The following RAB38 variants were observed in gnomAD, a reference collection of about 807,000 sequenced individuals.
RAB38 encodes ras-related protein Rab-38.
RAB38 carries 15 observed loss-of-function variants against 18.4 expected under a neutral mutation model. The observed-to-expected ratio is 0.82, with a 90% confidence interval of 0.55 to 1.26. The LOEUF (loss-of-function observed/expected upper bound fraction) is 1.26, where lower values mean the gene tolerates loss of function less well. Ranked by LOEUF, RAB38 falls within the 50% of genes most tolerant of loss-of-function variation. The pLI, the probability that RAB38 is intolerant of heterozygous loss-of-function variation, is 0.00. For synonymous variants in RAB38, 101 were observed against 104.4 expected, an observed-to-expected ratio of 0.97 and a Z score of 0.20; for missense variants, 294 against 267.4, an observed-to-expected ratio of 1.10 and a Z score of -0.69.
chr11:87,804,551 C>G, the RAB38 span, among the ~76,000 whole-genome samples: 1 of 152,140 alleles, frequency 6.6e-6, no homozygotes, highest in Non-Finnish European at 1.5e-5. Context: ...TTAGGCCCAT[C>G]TGCCTAGGTA....
At chr11:88,144,312 G>A (rs1942953129) in intron 2 of RAB38, among the ~76,000 whole-genome samples, 1 of 152,188 alleles carries the variant, frequency 6.6e-6, no homozygotes, top group Non-Finnish European at 1.5e-5. Context: ...TAAATTATTT[G>A]GAGATGGATG....
chr11:88,125,742 G>T (rs1942687495), intron 2 of RAB38, among the ~76,000 whole-genome samples: 1 of 152,102 alleles, frequency 6.6e-6, no homozygotes, highest in South Asian at 2.1e-4. Flanking sequence ...TGTCAATTTT[G>T]GCTTTTGTTG....
At chr11:88,140,309 A>G (rs919271162) in intron 2 of RAB38, among the ~76,000 whole-genome samples, 28 of 152,244 alleles carry the variant, frequency 1.8e-4, no homozygotes, top group African/African-American at 6.5e-4. Flanking sequence ...CCTGGGAACT[A>G]CAGCAATAAA....
the RAB38 span, among the ~76,000 whole-genome samples, chr11:87,976,965 C>T: frequency 3.7e-3 from 98 of 26,274 alleles, 38 homozygotes; most frequent in Non-Finnish European, 4.5e-3. Flanking sequence ...TTACATTATA[C>T]AAGTATATTA....
the RAB38 span, among the ~76,000 whole-genome samples, chr11:87,859,828 T>A: frequency 6.6e-6 from 1 of 152,104 alleles, no homozygotes; most frequent in South Asian, 2.1e-4. Flanking sequence ...GGTTCATTCA[T>A]GGTAGTGGCA....
the RAB38 span, among the ~76,000 whole-genome samples, chr11:88,008,318 C>G: frequency 6.6e-6 from 1 of 151,808 alleles, no homozygotes; most frequent in Non-Finnish European, 1.5e-5. Flanking sequence ...GACCAAAAAT[C>G]GAGACAATAA....
At chr11:88,141,086 C>T (rs1161018511) in intron 2 of RAB38, among the ~76,000 whole-genome samples, 2 of 152,114 alleles carry the variant, frequency 1.3e-5, no homozygotes, top group African/African-American at 4.8e-5. Context: ...TGTTTTCTTC[C>T]TCCCACAGAC....
At chr11:87,974,602 G>A in the RAB38 span, among the ~76,000 whole-genome samples, 12 of 151,508 alleles carry the variant, frequency 7.9e-5, no homozygotes, top group Non-Finnish European at 8.8e-5. Flanking sequence ...CTCAAATATA[G>A]CAAAAATTGT....
At chr11:87,927,783 T>C in the RAB38 span, among the ~76,000 whole-genome samples, 4 of 151,996 alleles carry the variant, frequency 2.6e-5, no homozygotes, top group African/African-American at 9.7e-5. Context: ...ACAAAGGCTA[T>C]TGGCGGAGCA....
intron 1 of RAB38, among the ~76,000 whole-genome samples, chr11:88,164,225 A>G (rs1352346237): frequency 1.4e-5 from 2 of 141,720 alleles, no homozygotes; most frequent in Non-Finnish European, 3.1e-5. Context: ...TGCTACAGTT[A>G]TAACTCCCAA....
rs968514370 is a variant in RAB38 at position 88,143,633 on chromosome 11, T to G, written c.483+6042A>C. Reference sequence around the variant, plus strand: ...AATCAAAGTCATCCTTTGAGCAGGTTAAGTTTTTAATAGCATGCAAAACAC... The same window carrying G: ...AATCAAAGTCATCCTTTGAGCAGGTGAAGTTTTTAATAGCATGCAAAACAC... On this transcript the variant is annotated intron_variant, in intron 2 of 2. Transcript: ENST00000243662. 3.4e-4 allele frequency among the ~76,000 whole-genome samples: 51 copies of G among 152,234 alleles called. 1 individual carries two copies. The highest frequency in any genetic ancestry group is 1.0e-4 in the Non-Finnish European group (7 of 68,046).
the RAB38 span, among the ~76,000 whole-genome samples, chr11:87,888,845 A>G: frequency 1.1e-4 from 16 of 151,974 alleles, no homozygotes; most frequent in Non-Finnish European, 1.8e-4. Flanking sequence ...GAAATGAAGT[A>G]CTGCACTGTT....
chr11:88,113,936 C>T lies in RAB38; in HGVS notation c.*52G>A, dbSNP rs1942510462. The T allele has an allele frequency of 6.2e-7, 1 of 1,605,310 alleles. No homozygotes were observed. Among genetic ancestry groups the T allele is most frequent in the Non-Finnish European group, 8.5e-7 (1 of 1,172,534 alleles). On this transcript the variant is annotated 3_prime_UTR_variant, in exon 3 of 3. Transcript: ENST00000243662. Reference sequence around the variant, plus strand: ...ACCCAAAATGGTAAAAATAGAGGCACAATTTGTGGAACAATGAGGTCATTC... The same window carrying T: ...ACCCAAAATGGTAAAAATAGAGGCATAATTTGTGGAACAATGAGGTCATTC...
chr11:88,077,335 T>C, the RAB38 span, among the ~76,000 whole-genome samples: 2 of 151,738 alleles, frequency 1.3e-5, no homozygotes, highest in East Asian at 3.9e-4. Context: ...AGAGCCCAAA[T>C]AGCCAAAGCA....
At chr11:88,021,901 T>G in the RAB38 span, among the ~76,000 whole-genome samples, 1 of 149,526 alleles carries the variant, frequency 6.7e-6, no homozygotes, top group African/African-American at 2.5e-5. Context: ...ATTCCTGACC[T>G]AAAGTGATCC....
At chr11:88,044,961 C>A in the RAB38 span, among the ~76,000 whole-genome samples, 1 of 152,188 alleles carries the variant, frequency 6.6e-6, no homozygotes. Flanking sequence ...CCCTCCCCCA[C>A]CTGCCCAGCA....
the RAB38 span, among the ~76,000 whole-genome samples, chr11:88,054,029 G>T: frequency 6.6e-6 from 1 of 152,214 alleles, no homozygotes; most frequent in Middle Eastern, 3.4e-3. Flanking sequence ...CATTAAACCT[G>T]CCTTGATCTC....
At chr11:88,032,300 T>C in the RAB38 span, among the ~76,000 whole-genome samples, 59 of 152,136 alleles carry the variant, frequency 3.9e-4, no homozygotes, top group African/African-American at 1.2e-3. Flanking sequence ...TAGGCATTAC[T>C]ATTCAGGACA....
At chr11:88,160,276 C>A (rs571280993) in intron 1 of RAB38, among the ~76,000 whole-genome samples, 2 of 152,178 alleles carry the variant, frequency 1.3e-5, no homozygotes, top group African/African-American at 2.4e-5. Context: ...CTATTTGATA[C>A]CATCTCACAC....
Sources: allele counts gnomAD v4.1 joint callset (sites outside exome capture counted in the v4.1 genomes callset), GRCh38; gene constraint gnomAD v4.1.1; transcripts MANE v1.5; gene names NCBI Gene and HGNC (gene_info 2026-07-23, HGNC 2026-07-21).